Variants in MYO6 observed in about 807,000 individuals in gnomAD.
The protein encoded by MYO6 is myosin VI.
Under a neutral mutation model 178.7 loss-of-function variants are expected in MYO6, and 74 were observed. The observed-to-expected ratio is 0.41, with a 90% CI of 0.34 to 0.50. The LOEUF (loss-of-function observed/expected upper bound fraction) is 0.50, where lower values mean the gene tolerates loss of function less well. MYO6 is among the 20% of genes least tolerant of loss of function. The pLI is 0.09. For synonymous variants in MYO6, 477 were observed against 504.6 expected (o/e 0.95, Z 0.73); for missense variants, 1,330 against 1,547.4 (o/e 0.86, Z 2.36).
At chr6:75,911,247 T>A (rs149899997) in intron 32 of MYO6, among the ~76,000 whole-genome samples, 1 of 152,036 alleles carries the variant, frequency 6.6e-6, no homozygotes, top group Non-Finnish European at 1.5e-5. Context: ...CAAAACATAC[T>A]GTTACCAAAA....
chr6:75,877,104 A>G (rs1037695995), intron 20 of MYO6, among the ~76,000 whole-genome samples: 12 of 152,060 alleles, frequency 7.9e-5, no homozygotes, highest in Admixed American at 5.2e-4. Context: ...CAGCCTCCCA[A>G]GTAGCTGGGA....
At chr6:75,789,418 C>T (rs376443297) in intron 1 of MYO6, among the ~76,000 whole-genome samples, 18 of 152,144 alleles carry the variant, frequency 1.2e-4, no homozygotes, top group African/African-American at 4.1e-4. Context: ...CATGGTAATT[C>T]GTATTGAGTA....
chr6:75,829,287 T>C (rs1772823554), intron 4 of MYO6, among the ~76,000 whole-genome samples: 2 of 152,164 alleles, frequency 1.3e-5, no homozygotes, highest in South Asian at 4.1e-4. Flanking sequence ...AATTATTCTT[T>C]GGGCATGCAT....
intron 20 of MYO6, among the ~76,000 whole-genome samples, chr6:75,876,709 G>A (rs976081723): frequency 4.6e-5 from 7 of 151,996 alleles, no homozygotes; most frequent in Non-Finnish European, 8.8e-5. Flanking sequence ...AGACATGTTG[G>A]CACTTTAACA....
At chr6:75,811,755 A>G (rs1770716372) in intron 1 of MYO6, among the ~76,000 whole-genome samples, 1 of 152,130 alleles carries the variant, frequency 6.6e-6, no homozygotes, top group South Asian at 2.1e-4. Context: ...TTGTCTTGAA[A>G]CTGACTGGTG....
At position 75,898,420 on chromosome 6, in the gene MYO6, A is replaced by G; in HGVS notation, c.3176+9A>G. Reference sequence around the variant, plus strand: ...TCAGAATTTTTGAGTAGGTTAGTGCAGTGTAATTGGGGGAAATAAGTGTTC... The same window carrying G: ...TCAGAATTTTTGAGTAGGTTAGTGCGGTGTAATTGGGGGAAATAAGTGTTC... On this transcript the variant is annotated intron_variant, in intron 30 of 34. Transcript: ENST00000369977. 1 of 1,606,488 alleles carries G rather than the reference A, an allele frequency of 6.2e-7. No individual in the cohort carries two copies. Among genetic ancestry groups the G allele is most frequent in the East Asian group, 2.2e-5 (1 of 44,768 alleles).
chr6:75,817,440 T>C (rs1359239101), intron 1 of MYO6, 61 bp from the exon 2 acceptor site: 2 of 901,768 alleles, frequency 2.2e-6, no homozygotes, highest in Admixed American at 3.4e-5. Context: ...AAAGATACAT[T>C]ATTTGTTTTA....
intron 1 of MYO6, among the ~76,000 whole-genome samples, chr6:75,762,243 A>G (rs1778019634): frequency 6.6e-6 from 1 of 152,104 alleles, no homozygotes; most frequent in African/African-American, 2.4e-5. Flanking sequence ...GGCCATAATT[A>G]TAACAATTCT....
At chr6:75,750,028 A>G (rs13200677) in intron 1 of MYO6, among the ~76,000 whole-genome samples, 5,015 of 152,006 alleles carry the variant, frequency 0.033, 129 homozygotes, top group Non-Finnish European at 0.051. Flanking sequence ...GTAGGACACA[A>G]TTTGATGGGG....
intron 1 of MYO6, among the ~76,000 whole-genome samples, chr6:75,788,358 A>G (rs1767887736): frequency 6.6e-6 from 1 of 152,044 alleles, no homozygotes; most frequent in Admixed American, 6.6e-5. Context: ...AGCAAGACTC[A>G]TCTCAAAATA....
At chr6:75,841,897 A>T (rs1225931110) in intron 9 of MYO6, among the ~76,000 whole-genome samples, 1 of 152,178 alleles carries the variant, frequency 6.6e-6, no homozygotes, top group Non-Finnish European at 1.5e-5. Flanking sequence ...ATGAGGAGGC[A>T]CATAATGGAA....
At chr6:75,886,567 C>T (rs1250492105) in intron 24 of MYO6, among the ~76,000 whole-genome samples, 1 of 152,140 alleles carries the variant, frequency 6.6e-6, no homozygotes, top group Non-Finnish European at 1.5e-5. Context: ...CTGAATATCT[C>T]TATTGATCCA....
At position 75,796,255 on chromosome 6, in the gene MYO6, T is replaced by C. The variant is rs772610727; in HGVS notation, c.-47-21246T>C. On this transcript the variant is annotated intron_variant, in intron 1 of 34. Transcript: ENST00000369977. ...AGGTGACCCTCAGTTGTCTGTAGAATAGAGTTAAGGCTGTTTACACCTTGG... is the reference window on the plus strand; with the variant it reads ...AGGTGACCCTCAGTTGTCTGTAGAACAGAGTTAAGGCTGTTTACACCTTGG... Among the ~76,000 whole-genome samples the C allele has an allele frequency of 9.2e-5, 14 of 152,166 alleles. 1 individual carries two copies. The highest frequency in any genetic ancestry group is 4.4e-5 in the Non-Finnish European group (3 of 68,032).
At chr6:75,792,191 G>A (rs1583091263) in intron 1 of MYO6, among the ~76,000 whole-genome samples, 1 of 152,068 alleles carries the variant, frequency 6.6e-6, no homozygotes, top group African/African-American at 2.4e-5. Context: ...TTCATCAGTC[G>A]GTTATAATTA....
intron 29 of MYO6, among the ~76,000 whole-genome samples, chr6:75,896,200 C>A (rs1166133402): frequency 2.0e-5 from 3 of 152,118 alleles, no homozygotes; most frequent in Admixed American, 6.5e-5. Flanking sequence ...CTATCAGGCT[C>A]CAGTCCCAAT....
chr6:75,772,579 A>G (rs1286759969), intron 1 of MYO6, among the ~76,000 whole-genome samples: 1 of 152,234 alleles, frequency 6.6e-6, no homozygotes, highest in Non-Finnish European at 1.5e-5. Context: ...GAGCATCCAG[A>G]TACTACAAGG....
At chr6:75,824,693 G>A (rs1260909436) in intron 3 of MYO6, among the ~76,000 whole-genome samples, 2 of 152,040 alleles carry the variant, frequency 1.3e-5, no homozygotes, top group African/African-American at 4.8e-5. Context: ...AGGTTCTACT[G>A]AAACAGAAGT....
At chr6:75,857,323 A>G (rs1337273057) in intron 13 of MYO6, 69 bp downstream of exon 13, 8 of 1,480,396 alleles carry the variant, frequency 5.4e-6, no homozygotes, top group Non-Finnish European at 7.5e-6. Context: ...TTTGTTCTTA[A>G]ATCTTTTCTC....
chr6:75,799,390 A>T (rs1399037525), intron 1 of MYO6, among the ~76,000 whole-genome samples: 1 of 48,962 alleles, frequency 2.0e-5, no homozygotes, highest in Non-Finnish European at 3.1e-5. Flanking sequence ...AACTCTGTCT[A>T]AAAAAAAAAA....
Sources: allele counts gnomAD v4.1 joint callset (sites outside exome capture counted in the v4.1 genomes callset), GRCh38; gene constraint gnomAD v4.1.1; transcripts MANE v1.5; gene names NCBI Gene and HGNC (gene_info 2026-07-23, HGNC 2026-07-21).